AACS: variants seen among roughly 807,000 people sequenced by gnomAD.
The protein encoded by AACS is acetoacetyl-CoA synthetase.
AACS carries 69 observed loss-of-function variants against 83.1 expected under a neutral mutation model. The observed-to-expected ratio is 0.83, with a 90% CI of 0.68 to 1.01. The LOEUF is 1.01. Ranked by LOEUF, AACS falls within the 50% of genes least tolerant of loss-of-function variation. The probability of loss-of-function intolerance (pLI) is 0.00; values close to 1 mark genes in which losing one functional copy is unlikely to be tolerated. For synonymous variants in AACS, 333 were observed against 343.4 expected (o/e 0.97, Z 0.33); for missense variants, 866 against 882.2 (o/e 0.98, Z 0.23).
At chr12:125,102,392 G>C (rs1259921213) in intron 5 of AACS, 5 of 323,390 alleles carry the variant, frequency 1.5e-5, no homozygotes, top group Non-Finnish European at 3.0e-5. Flanking sequence ...GGGACACAGG[G>C]ACCTGGTCAT....
At position 125,124,933 on chromosome 12, in the gene AACS, G is replaced by T. The variant is rs147156760; in HGVS notation, c.1218G>T (p.Thr406=). ...VETHSLQMLH[T]ILSTGSPLKA... The stretch of plus-strand genomic sequence containing the variant: ...CCCACAGTCTCCAGATGCTCCACAC[G>T]ATCCTGTCCACTGGCTCCCCACTGA... Residue 406 remains threonine (T), a synonymous_variant, in exon 12 of 18, where the codon ACG becomes ACT. Coordinates refer to ENST00000316519, the MANE Select transcript of AACS (RefSeq NM_023928.5). The T allele has an allele frequency of 5.0e-6, 8 of 1,614,190 alleles. No individual in the cohort carries two copies. The highest frequency in any genetic ancestry group is 6.8e-6 in the Non-Finnish European group (8 of 1,180,042).
chr12:125,127,932 A>C, intron 12 of AACS: 1 of 378,774 alleles, frequency 2.6e-6, no homozygotes, highest in Non-Finnish European at 4.7e-6. Flanking sequence ...CTCTGGCAGG[A>C]AGGCTCGGCT....
At chr12:125,102,889 G>T in intron 6 of AACS, 96 bp downstream of exon 6, 3 of 1,431,926 alleles carry the variant, frequency 2.1e-6, no homozygotes, top group Non-Finnish European at 2.9e-6. Context: ...CTCTGCCCCA[G>T]ATTGTGTTAT....
chr12:125,086,108 G>A (rs1000029017), intron 3 of AACS, among the ~76,000 whole-genome samples: 1 of 152,196 alleles, frequency 6.6e-6, no homozygotes, highest in African/African-American at 2.4e-5. Flanking sequence ...GAATCTTTAC[G>A]CAGCACATGT....
chr12:125,079,069 G>C (rs1956101994), intron 3 of AACS, among the ~76,000 whole-genome samples: 1 of 152,136 alleles, frequency 6.6e-6, no homozygotes, highest in Non-Finnish European at 1.5e-5. Context: ...CCTTCCTCTG[G>C]CTGACCCCTG....
At chr12:125,090,962 A>T (rs1046666895) in intron 4 of AACS, 6 of 187,330 alleles carry the variant, frequency 3.2e-5, no homozygotes, top group African/African-American at 1.1e-4. Context: ...ACCTGAGTTC[A>T]CCGGGTTGGG....
intron 5 of AACS, among the ~76,000 whole-genome samples, chr12:125,098,242 C>T (rs534840121): frequency 4.6e-4 from 70 of 152,068 alleles, no homozygotes; most frequent in Non-Finnish European, 8.1e-4. Context: ...GCAGCCTGGG[C>T]AACATGGCAA....
In AACS at chr12:125,134,901, G is replaced by A. The variant is rs570431315; in HGVS notation, c.1678+49G>A. On this transcript the variant is annotated intron_variant, in intron 16 of 17. Transcript: ENST00000316519. ...GTTCTCCAGTCTCCAGGAAGGAGGA[G>A]GGTCCTGGCGGGAGCCCCAGGAGCC... is the stretch of plus-strand genomic sequence containing the variant. 2.5e-6 allele frequency: 4 copies of A among 1,607,244 alleles called. No homozygotes were observed. In the African/African-American group the frequency reaches 4.0e-5, roughly 16 times the overall value.
intron 8 of AACS, among the ~76,000 whole-genome samples, chr12:125,109,581 G>A (rs1478876707): frequency 6.6e-6 from 1 of 152,206 alleles, no homozygotes; most frequent in African/African-American, 2.4e-5. Flanking sequence ...CCCAAGAACA[G>A]GAGCGTTCTC....
At chr12:125,086,286 T>G (rs116647622) in intron 3 of AACS, 44 bp from the exon 4 acceptor site, 1 of 1,562,278 alleles carries the variant, frequency 6.4e-7, no homozygotes, top group African/African-American at 1.4e-5. Context: ...CAACTTTTCT[T>G]TTTGCGGTGG....
chr12:125,094,361 A>C lies in AACS; in HGVS notation c.570+2838A>C, dbSNP rs1480317180. Reference sequence around the variant, plus strand: ...TTGCTTTGAAATTATATTTCTTTGAATCTCAGAGAATATCGTAAAGGGAAA... The same window carrying C: ...TTGCTTTGAAATTATATTTCTTTGACTCTCAGAGAATATCGTAAAGGGAAA... On this transcript the variant is annotated intron_variant, in intron 5 of 17. Coordinates refer to ENST00000316519, the MANE Select transcript of AACS (RefSeq NM_023928.5). The surrounding 1 kb of genome is among the most constrained non-coding windows in gnomAD (Gnocchi z 4.1). Among the ~76,000 whole-genome samples, 1 of 152,144 alleles carries C rather than the reference A, an allele frequency of 6.6e-6. No homozygotes were observed. Among genetic ancestry groups the C allele is most frequent in the Non-Finnish European group, 1.5e-5 (1 of 68,032 alleles).
chr12:125,124,253 C>T (rs1457940142), intron 10 of AACS: 2 of 161,102 alleles, frequency 1.2e-5, no homozygotes, highest in Admixed American at 5.9e-5. Flanking sequence ...TGTGATTGCA[C>T]GACTGCATTC....
chr12:125,094,911 C>T lies in AACS; in HGVS notation c.570+3388C>T. Among the ~76,000 whole-genome samples the T allele has an allele frequency of 6.6e-6, 1 of 152,094 alleles. No individual in the cohort carries two copies. The highest frequency in any genetic ancestry group is 1.9e-4 in the East Asian group (1 of 5,194). On this transcript the variant is annotated intron_variant, in intron 5 of 17. Transcript: ENST00000316519. This position sits in a 1 kb window ranked among gnomAD's most constrained non-coding sequence, Gnocchi z 4.1. The stretch of plus-strand genomic sequence containing the variant: ...ATGTCAGGGAAGGCCACCCTCTGAT[C>T]CCTGCACACCAGAGAGCCCAGCCTG...
chr12:125,112,198 A>G (rs1303057588), intron 8 of AACS, among the ~76,000 whole-genome samples: 1 of 152,122 alleles, frequency 6.6e-6, no homozygotes, highest in African/African-American at 2.4e-5. Flanking sequence ...AGGAGAACAG[A>G]TTGTCATGTA....
At chr12:125,078,984 G>A (rs1282611871) in intron 3 of AACS, among the ~76,000 whole-genome samples, 1 of 152,150 alleles carries the variant, frequency 6.6e-6, no homozygotes, top group Non-Finnish European at 1.5e-5. Flanking sequence ...GGGATGATGG[G>A]GTGGGGTGTA....
In AACS at chr12:125,114,780, T is replaced by G. The variant is rs58443552; in HGVS notation, c.996+223T>G. On this transcript the variant is annotated intron_variant, in intron 9 of 17. Transcript: ENST00000316519. ...CCCAGGCGCCGGCCCGTGGCACATG[T>G]TAAGGGCTTCCCCAGGCGCCGGCCC... 0.052 allele frequency among the ~76,000 whole-genome samples: 2,295 copies of G among 44,380 alleles called. No homozygotes were observed. The highest frequency in any genetic ancestry group is 0.072 in the East Asian group (69 of 952). 29.1% of individuals were successfully genotyped at this position (44,380 alleles called of 152,430 possible).
intron 3 of AACS, among the ~76,000 whole-genome samples, chr12:125,083,190 C>T (rs1956242525): frequency 6.6e-6 from 1 of 152,214 alleles, no homozygotes; most frequent in South Asian, 2.1e-4. Flanking sequence ...AGAGGAACCA[C>T]ATCCAAGATG....
At chr12:125,134,765 TG>T (rs756776698) in intron 15 of AACS, 28 bp from the exon 16 acceptor site, 1 of 1,613,936 alleles carries the variant, frequency 6.2e-7, no homozygotes. Flanking sequence ...AGAGCTGCGG[TG>T]TGGCCCTGAC....
At chr12:125,076,684 A>T in intron 3 of AACS, 73 bp downstream of exon 3, 1 of 1,578,856 alleles carries the variant, frequency 6.3e-7, no homozygotes, top group Non-Finnish European at 8.6e-7. Context: ...GGTGCCACAT[A>T]TTTGGAGAGA....
Sources: gnomAD v4.1 joint callset for allele counts (sites outside exome capture counted in the v4.1 genomes callset) on GRCh38, gnomAD v4.1.1 for gene constraint, Gnocchi (gnomAD v3.1) non-coding constraint, MANE v1.5 for transcripts, NCBI Gene and HGNC (gene_info 2026-07-23, HGNC 2026-07-21) for gene names.